Variants in NUB1 observed in about 807,000 individuals in gnomAD.
NUB1 encodes the protein NEDD8 ultimate buster 1.
NUB1 carries 41 observed loss-of-function variants against 77.1 expected under a neutral mutation model. That is an observed-to-expected ratio of 0.53 (90% CI 0.41 to 0.69). The LOEUF is 0.69. Among genes scored for constraint, NUB1 ranks in the 30% least tolerant of loss-of-function variants. NUB1 has a pLI of 0.00. For synonymous variants in NUB1, 257 were observed against 281.0 expected (o/e 0.91, Z 0.85); for missense variants, 643 against 743.8 (o/e 0.86, Z 1.58).
intron 8 of NUB1, 26 bp downstream of exon 8, chr7:151,360,273 A>G: frequency 1.5e-6 from 2 of 1,307,090 alleles, no homozygotes; most frequent in Non-Finnish European, 2.2e-6. Flanking sequence ...CTTGGTGAAC[A>G]CCAGCTTTAA....
intron 5 of NUB1, among the ~76,000 whole-genome samples, chr7:151,353,457 T>A (rs1386027065): frequency 3.3e-5 from 5 of 152,106 alleles, no homozygotes; most frequent in African/African-American, 1.2e-4. Flanking sequence ...CTGCTGTCAT[T>A]TAGTGGGTGG....
chr7:151,367,126 G>A lies in NUB1; in HGVS notation c.987+1G>A. On this transcript the variant is annotated splice_donor_variant, in intron 9 of 14. Coordinates refer to ENST00000568733, the MANE Select transcript of NUB1 (RefSeq NM_001243351.2). LOFTEE classifies it high-confidence loss of function. ...TCATCAGAGACTGGTCCACATAAAA[G>A]TATGTTCCTGGAATTCATCTTATGT... 6.2e-7 allele frequency: 1 copy of A among 1,609,122 alleles called. No homozygotes were observed. Among genetic ancestry groups the A allele is most frequent in the Non-Finnish European group, 8.5e-7 (1 of 1,176,620 alleles).
At chr7:151,344,665 T>C (rs901070140) in intron 1 of NUB1, among the ~76,000 whole-genome samples, 1 of 151,770 alleles carries the variant, frequency 6.6e-6, no homozygotes, top group Non-Finnish European at 1.5e-5. Context: ...CTTTTCTTTA[T>C]ATTTAACTAC....
chr7:151,351,365 G>A, intron 3 of NUB1, 59 bp from the exon 4 acceptor site: 1 of 1,265,548 alleles, frequency 7.9e-7, no homozygotes, highest in African/African-American at 1.5e-5. Context: ...ATTTCACAGG[G>A]TAATCTCTCC....
intron 1 of NUB1, among the ~76,000 whole-genome samples, chr7:151,344,905 C>T (rs1378073190): frequency 2.0e-5 from 3 of 151,716 alleles, no homozygotes; most frequent in African/African-American, 7.2e-5. Context: ...GAGGCTGATG[C>T]AGGGGAATTG....
chr7:151,357,356 T>C (rs1001306911), intron 7 of NUB1, among the ~76,000 whole-genome samples: 157 of 151,990 alleles, frequency 1.0e-3, no homozygotes, highest in Middle Eastern at 3.4e-3. Flanking sequence ...ACTCCTGACC[T>C]CAGATGATCC....
At chr7:151,352,331 A>G in intron 4 of NUB1, 1 of 330,602 alleles carries the variant, frequency 3.0e-6, no homozygotes, top group South Asian at 2.4e-5. Context: ...ACAGTTTCAA[A>G]TAGCCGTCTA....
chr7:151,351,270 G>A (rs896039667), intron 3 of NUB1, 154 bp from the exon 4 acceptor site: 27 of 667,316 alleles, frequency 4.0e-5, no homozygotes, highest in Non-Finnish European at 6.4e-5. Flanking sequence ...CCTGTGCTGG[G>A]TTATGTTCAG....
At chr7:151,368,983 C>A in intron 11 of NUB1, 96 bp downstream of exon 11, 1 of 1,266,658 alleles carries the variant, frequency 7.9e-7, no homozygotes, top group Non-Finnish European at 1.1e-6. Context: ...CTTTATTACT[C>A]CAGATTGGGA....
At chr7:151,368,428 G>A (rs1797800619) in intron 10 of NUB1, among the ~76,000 whole-genome samples, 1 of 152,242 alleles carries the variant, frequency 6.6e-6, no homozygotes, top group South Asian at 2.1e-4. Context: ...AAGGGAGGGT[G>A]AGAAATGCCA....
chr7:151,372,652 C>T (rs1798016022), intron 11 of NUB1, among the ~76,000 whole-genome samples: 1 of 152,070 alleles, frequency 6.6e-6, no homozygotes, highest in Non-Finnish European at 1.5e-5. Flanking sequence ...AGTTTCGAAG[C>T]ATTGTTGGGG....
intron 11 of NUB1, among the ~76,000 whole-genome samples, chr7:151,369,910 C>T (rs1797880098): frequency 6.6e-6 from 1 of 152,302 alleles, no homozygotes; most frequent in Non-Finnish European, 1.5e-5. Context: ...GGTTGTTTGC[C>T]TACCTGATGC....
Position 151,377,339 on chromosome 7 carries a change from G to T in NUB1, c.*114G>T, listed in dbSNP as rs932127184. The stretch of plus-strand genomic sequence containing the variant: ...TCTGAATTACAAGTCCTCTTTGGGT[G>T]TAGGAGGGGGTGGGCAGGGGACAAG... On this transcript the variant is annotated 3_prime_UTR_variant, in exon 15 of 15. Coordinates refer to ENST00000568733, the MANE Select transcript of NUB1 (RefSeq NM_001243351.2). The T allele has an allele frequency of 2.0e-4, 120 of 593,954 alleles. No homozygotes were observed. In the Middle Eastern group the frequency reaches 2.1e-3, roughly 10 times the overall value. 36.8% of individuals were successfully genotyped at this position (593,954 alleles called of 1,614,324 possible).
At position 151,352,805 on chromosome 7, in the gene NUB1, T is replaced by G. The variant is rs1484004654; in HGVS notation, c.345-7T>G. On this transcript the variant is annotated splice_polypyrimidine_tract_variant and splice_region_variant and intron_variant, in intron 4 of 14. Transcript: ENST00000568733. ...TTCCTACAATTTTCACTGGTTTTATTTTACAGAATAGCTGAAACCTTTGGA... is the reference window on the plus strand; with the variant it reads ...TTCCTACAATTTTCACTGGTTTTATGTTACAGAATAGCTGAAACCTTTGGA... 2 of 1,504,962 alleles carry G rather than the reference T, an allele frequency of 1.3e-6. No homozygotes were observed. Among genetic ancestry groups the G allele is most frequent in the East Asian group, 4.5e-5 (2 of 44,118 alleles). The allele number at this position is 1,504,962 out of a possible 1,614,324, so 93.2% of individuals were successfully genotyped here. A position where few individuals can be genotyped will look rare whatever the true frequency, so the allele number is the denominator to read the frequency against.
At chr7:151,344,624 T>TCTC (rs1796392613) in intron 1 of NUB1, among the ~76,000 whole-genome samples, 1 of 151,816 alleles carries the variant, frequency 6.6e-6, no homozygotes, top group Non-Finnish European at 1.5e-5. Flanking sequence ...TCCGAAAATA[T>TCTC]TTATTATCGA....
In NUB1 at chr7:151,355,803, G is replaced by A. The variant is rs1265147355; in HGVS notation, c.451G>A (p.Val151Met). ...TLEEQGVAHN[V>M]KAMVLELKQS... ...TGAAGAACAAGGCGTGGCTCACAAT[G>A]TGAAAGCGATGGTGCTTGAACTAAA... Residue 151 changes from valine to methionine, a missense_variant, in exon 6 of 15, where the codon GTG becomes ATG. Transcript: ENST00000568733. 2.5e-6 allele frequency: 4 copies of A among 1,606,616 alleles called. No individual in the cohort carries two copies. The South Asian group carries it at 3.3e-5, about 13-fold the overall frequency.
At chr7:151,354,285 T>C (rs1027995255) in intron 5 of NUB1, among the ~76,000 whole-genome samples, 12 of 151,830 alleles carry the variant, frequency 7.9e-5, no homozygotes, top group African/African-American at 2.7e-4. Flanking sequence ...GTGGCTTTGT[T>C]GCAGTCTTAA....
chr7:151,376,473 C>G, intron 13 of NUB1, 161 bp from the exon 14 acceptor site: 2 of 695,552 alleles, frequency 2.9e-6, no homozygotes, highest in African/African-American at 1.8e-5. Flanking sequence ...CCAGGTTGCT[C>G]TACGCTCACA....
chr7:151,347,720 A>C (rs1023861508), intron 2 of NUB1, among the ~76,000 whole-genome samples: 3 of 152,224 alleles, frequency 2.0e-5, no homozygotes, highest in Admixed American at 6.5e-5. Flanking sequence ...TTGCCTTCCA[A>C]AGTGCTGGGA....
Sources: allele counts gnomAD v4.1 joint callset (sites outside exome capture counted in the v4.1 genomes callset), GRCh38; gene constraint gnomAD v4.1.1; transcripts MANE v1.5; gene names NCBI Gene and HGNC (gene_info 2026-07-23, HGNC 2026-07-21).